The following MRPL35 variants were observed in gnomAD, a reference collection of about 807,000 sequenced individuals.
The protein encoded by MRPL35 is mitochondrial ribosomal protein L35, also known as large ribosomal subunit protein bL35m.
Under a neutral mutation model 21.6 loss-of-function variants are expected in MRPL35, and 18 were observed. The ratio of observed to expected loss-of-function variants is 0.83; its 90% CI spans 0.58 to 1.24. The LOEUF is 1.24. Among genes scored for constraint, MRPL35 ranks in the 50% most tolerant of loss-of-function variants. The pLI, the probability that MRPL35 is intolerant of heterozygous loss-of-function variation, is 0.00. For missense variants in MRPL35, 223 were observed against 223.2 expected (o/e 1.00, Z 0.01); for synonymous variants, 87 against 86.9 (o/e 1.00, Z -0.01).
chr2:86,204,103 G>A (rs1032891648), intron 1 of MRPL35, among the ~76,000 whole-genome samples: 1 of 151,922 alleles, frequency 6.6e-6, no homozygotes, highest in African/African-American at 2.4e-5. Flanking sequence ...TCCTGCCTCA[G>A]CCTCCTGAGT....
intron 3 of MRPL35, 43 bp downstream of exon 3, chr2:86,207,370 G>A: frequency 6.3e-7 from 1 of 1,588,016 alleles, no homozygotes; most frequent in Non-Finnish European, 8.6e-7. Flanking sequence ...GGAATGTGAG[G>A]CCGGGCGTGG....
chr2:86,211,394 A>G lies in MRPL35; in HGVS notation c.*726A>G. On this transcript the variant is annotated 3_prime_UTR_variant, in exon 4 of 4. Coordinates refer to ENST00000337109, the MANE Select transcript of MRPL35 (RefSeq NM_016622.4). ...GGTTGGGTCATTGTCTAGAGTAGGG[A>G]TTGGCTGTCCTTAAGTCAGGAGCCC... 1.0e-6 allele frequency: 1 copy of G among 985,168 alleles called. No individual in the cohort carries two copies. Among genetic ancestry groups the G allele is most frequent in the Non-Finnish European group, 1.2e-6 (1 of 829,722 alleles). 61.0% of individuals were successfully genotyped at this position (985,168 alleles called of 1,614,324 possible).
At position 86,213,187 on chromosome 2, in the gene MRPL35, G is replaced by A. The variant is rs1673945669; in HGVS notation, c.*2519G>A. On this transcript the variant is annotated 3_prime_UTR_variant, in exon 4 of 4. Transcript: ENST00000337109. ...TTCATATCTAAATCAACAAGTGACT[G>A]TAATCTGGTACTATAAATACTAAAT... The A allele has an allele frequency of 1.0e-6, 1 of 989,108 alleles. No individual in the cohort carries two copies. The highest frequency in any genetic ancestry group is 1.2e-6 in the Non-Finnish European group (1 of 832,176). 61.3% of individuals were successfully genotyped at this position (989,108 alleles called of 1,614,324 possible).
rs1389163057 is a variant in MRPL35 at position 86,211,719 on chromosome 2, G to A, written c.*1051G>A. On this transcript the variant is annotated 3_prime_UTR_variant, in exon 4 of 4. Transcript: ENST00000337109. ...GTTTTGCTCTGTTGCCCAGGCTGGAGTGCAGTGGTGCAATCATAGCTCATT... is the reference window on the plus strand; with the variant it reads ...GTTTTGCTCTGTTGCCCAGGCTGGAATGCAGTGGTGCAATCATAGCTCATT... 2.0e-6 allele frequency: 2 copies of A among 983,630 alleles called. No homozygotes were observed. Among genetic ancestry groups the A allele is most frequent in the African/African-American group, 1.7e-5 (1 of 57,196 alleles). 60.9% of individuals were successfully genotyped at this position (983,630 alleles called of 1,614,324 possible).
chr2:86,212,505 G>T lies in MRPL35; in HGVS notation c.*1837G>T. ...CTGCTCTCTGATGTACCTCTGGGTAGTGAGATGGAAATGGTGCCTGCAGAA... is the reference window on the plus strand; with the variant it reads ...CTGCTCTCTGATGTACCTCTGGGTATTGAGATGGAAATGGTGCCTGCAGAA... On this transcript the variant is annotated 3_prime_UTR_variant, in exon 4 of 4. Transcript: ENST00000337109. The T allele has an allele frequency of 1.2e-6, 2 of 1,607,236 alleles. No individual in the cohort carries two copies. The highest frequency in any genetic ancestry group is 8.5e-7 in the Non-Finnish European group (1 of 1,177,260).
At chr2:86,207,096 G>A in intron 2 of MRPL35, 87 bp from the exon 3 acceptor site, 3 of 1,321,712 alleles carry the variant, frequency 2.3e-6, no homozygotes, top group Non-Finnish European at 3.1e-6. Flanking sequence ...CATTGGAGCA[G>A]CTTTACTCAT....
chr2:86,209,930 C>G (rs933583867), intron 3 of MRPL35, among the ~76,000 whole-genome samples: 2 of 152,116 alleles, frequency 1.3e-5, no homozygotes, highest in Non-Finnish European at 2.9e-5. Flanking sequence ...ATCACTTGAG[C>G]CCAGGAGGTA....
chr2:86,207,059 A>G (rs1299148569), intron 2 of MRPL35, 124 bp from the exon 3 acceptor site: 7 of 923,748 alleles, frequency 7.6e-6, no homozygotes, highest in Non-Finnish European at 1.1e-5. Context: ...TGGAAGTAAT[A>G]TTGTATATGA....
In MRPL35 at chr2:86,211,349, T is replaced by C; in HGVS notation, c.*681T>C. 1.0e-6 allele frequency: 1 copy of C among 960,162 alleles called. No individual in the cohort carries two copies. The highest frequency in any genetic ancestry group is 1.2e-6 in the Non-Finnish European group (1 of 806,994). The allele number at this position is 960,162 out of a possible 1,614,324, so 59.5% of individuals were successfully genotyped here. On this transcript the variant is annotated 3_prime_UTR_variant, in exon 4 of 4. Coordinates refer to ENST00000337109, the MANE Select transcript of MRPL35 (RefSeq NM_016622.4). Reference sequence around the variant, plus strand: ...CCAAGGGAATTTAACTGGGCCAGACTACCTTTTTATACTAGGTCTGGTTGG... The same window carrying C: ...CCAAGGGAATTTAACTGGGCCAGACCACCTTTTTATACTAGGTCTGGTTGG...
intron 3 of MRPL35, 110 bp from the exon 4 acceptor site, chr2:86,210,370 T>A: frequency 1.9e-5 from 10 of 518,152 alleles, no homozygotes; most frequent in African/African-American, 2.2e-5. Context: ...GTCCAGCCCC[T>A]ATGGAAGTCT....
chr2:86,209,637 C>T (rs1673864152), intron 3 of MRPL35, among the ~76,000 whole-genome samples: 2 of 152,274 alleles, frequency 1.3e-5, no homozygotes, highest in East Asian at 3.9e-4. Flanking sequence ...TAGAAAAGTA[C>T]TTCCTATAAA....
intron 1 of MRPL35, among the ~76,000 whole-genome samples, chr2:86,204,878 CA>C (rs1278733755): frequency 1.3e-5 from 2 of 152,310 alleles, no homozygotes; most frequent in African/African-American, 4.8e-5. Flanking sequence ...TTGGCTCCTC[CA>C]AAACTTAATT....
intron 1 of MRPL35, among the ~76,000 whole-genome samples, chr2:86,203,907 G>C (rs1448214706): frequency 1.3e-5 from 2 of 151,952 alleles, no homozygotes; most frequent in Non-Finnish European, 2.9e-5. Flanking sequence ...CCCCTCATTT[G>C]TTATCTGAAA....
At chr2:86,200,710 C>G (rs996359743) in intron 1 of MRPL35, among the ~76,000 whole-genome samples, 1 of 149,626 alleles carries the variant, frequency 6.7e-6, no homozygotes, top group African/African-American at 2.5e-5. Flanking sequence ...CGGAGTTTCT[C>G]TCTTGTTGCC....
chr2:86,212,448 A>T lies in MRPL35; in HGVS notation c.*1780A>T. The T allele has an allele frequency of 6.2e-7, 1 of 1,613,876 alleles. No homozygotes were observed. Among genetic ancestry groups the T allele is most frequent in the Non-Finnish European group, 8.5e-7 (1 of 1,179,872 alleles). On this transcript the variant is annotated 3_prime_UTR_variant, in exon 4 of 4. Transcript: ENST00000337109. Reference sequence around the variant, plus strand: ...GAGACGGCAAAGCCAACCACTTAGAAGCCTTCCACATCTTTGTCACCTGCC... The same window carrying T: ...GAGACGGCAAAGCCAACCACTTAGATGCCTTCCACATCTTTGTCACCTGCC...
rs564726899 is a variant in MRPL35 at position 86,211,478 on chromosome 2, G to A, written c.*810G>A. On this transcript the variant is annotated 3_prime_UTR_variant, in exon 4 of 4. Coordinates refer to ENST00000337109, the MANE Select transcript of MRPL35 (RefSeq NM_016622.4). ...AACAGTTATGTGAGCAGTTTCACTT[G>A]GAGGTTCACATGGGGTGGCAGCACA... 79 of 985,370 alleles carry A rather than the reference G, an allele frequency of 8.0e-5. No homozygotes were observed. Among genetic ancestry groups the A allele is most frequent in the East Asian group, 3.4e-4 (3 of 8,814 alleles). 61.0% of individuals were successfully genotyped at this position (985,370 alleles called of 1,614,324 possible).
At chr2:86,207,553 G>A (rs1673827185) in intron 3 of MRPL35, among the ~76,000 whole-genome samples, 1 of 152,220 alleles carries the variant, frequency 6.6e-6, no homozygotes, top group Non-Finnish European at 1.5e-5. Context: ...ATAATTGCTT[G>A]AACCCGGGAG....
At chr2:86,203,181 G>A (rs1426037101) in intron 1 of MRPL35, among the ~76,000 whole-genome samples, 2 of 149,982 alleles carry the variant, frequency 1.3e-5, no homozygotes, top group African/African-American at 2.5e-5. Context: ...CCAGGTTCAC[G>A]CCATTCTCCT....
intron 1 of MRPL35, 113 bp from the exon 2 acceptor site, chr2:86,205,993 G>C (rs1673781098): frequency 2.2e-6 from 2 of 910,116 alleles, no homozygotes; most frequent in Non-Finnish European, 3.4e-6. Context: ...TGAGTCTGAT[G>C]CTCAGGGCAC....
Sources: gnomAD v4.1 joint callset for allele counts (sites outside exome capture counted in the v4.1 genomes callset) on GRCh38, gnomAD v4.1.1 for gene constraint, MANE v1.5 for transcripts, NCBI Gene and HGNC (gene_info 2026-07-23, HGNC 2026-07-21) for gene names.